Variants in PPP3CA observed in about 807,000 individuals in gnomAD.
PPP3CA encodes CAM-PRP catalytic subunit.
A neutral mutation model predicts 66.5 loss-of-function variants in PPP3CA; 14 were observed. The ratio of observed to expected loss-of-function variants is 0.21; its 90% CI spans 0.14 to 0.33. The LOEUF is 0.33. Among genes scored for constraint, PPP3CA ranks in the 10% least tolerant of loss-of-function variants. The probability of loss-of-function intolerance (pLI) is 1.00; values close to 1 mark genes in which losing one functional copy is unlikely to be tolerated. For synonymous variants in PPP3CA, 232 were observed against 226.2 expected, an observed-to-expected ratio of 1.03 and a Z score of -0.23; for missense variants, 317 against 639.5, an observed-to-expected ratio of 0.50 and a Z score of 5.44.
chr4:101,199,480 G>C (rs1578547454), intron 1 of PPP3CA, among the ~76,000 whole-genome samples: 2 of 152,120 alleles, frequency 1.3e-5, no homozygotes, highest in East Asian at 3.9e-4. Flanking sequence ...TTTTGTAACT[G>C]CCTGTAAGCA....
intron 1 of PPP3CA, among the ~76,000 whole-genome samples, chr4:101,253,387 T>G (rs542251362): frequency 9.9e-5 from 15 of 152,258 alleles, no homozygotes; most frequent in Admixed American, 1.3e-4. Context: ...TAATCAAAGA[T>G]TAAAGAAAGA....
At chr4:101,130,110 G>A (rs1041430729) in intron 2 of PPP3CA, among the ~76,000 whole-genome samples, 3 of 151,908 alleles carry the variant, frequency 2.0e-5, no homozygotes, top group African/African-American at 7.3e-5. Flanking sequence ...GCACATAGAA[G>A]AAGCAACAGC....
intron 1 of PPP3CA, among the ~76,000 whole-genome samples, chr4:101,335,661 T>A (rs944860441): frequency 1.3e-5 from 2 of 152,164 alleles, no homozygotes; most frequent in African/African-American, 4.8e-5. Flanking sequence ...AAGAGCATCA[T>A]GACTGGCAAT....
At chr4:101,182,369 G>A (rs1417572052) in intron 2 of PPP3CA, among the ~76,000 whole-genome samples, 1 of 152,114 alleles carries the variant, frequency 6.6e-6, no homozygotes, top group Non-Finnish European at 1.5e-5. Context: ...ACTAGGGGAA[G>A]AGAAAGACCT....
chr4:101,336,933 G>A (rs1729651536), intron 1 of PPP3CA, among the ~76,000 whole-genome samples: 1 of 152,132 alleles, frequency 6.6e-6, no homozygotes, highest in Non-Finnish European at 1.5e-5. Flanking sequence ...CCTAAATTCA[G>A]GCATGAGCAA....
At chr4:101,288,179 T>C (rs1308987496) in intron 1 of PPP3CA, among the ~76,000 whole-genome samples, 4 of 152,166 alleles carry the variant, frequency 2.6e-5, no homozygotes, top group African/African-American at 9.7e-5. Flanking sequence ...GAAGGCACAA[T>C]AGTATTAACC....
chr4:101,180,115 A>G (rs1277589472), intron 2 of PPP3CA, among the ~76,000 whole-genome samples: 1 of 152,144 alleles, frequency 6.6e-6, no homozygotes, highest in Non-Finnish European at 1.5e-5. Context: ...AGCAGAGATG[A>G]GCAGAGGTGG....
chr4:101,257,720 C>A (rs1002587083), intron 1 of PPP3CA, among the ~76,000 whole-genome samples: 1 of 152,000 alleles, frequency 6.6e-6, no homozygotes, highest in African/African-American at 2.4e-5. Context: ...TGAAAGGTGT[C>A]AAGCTTACCA....
chr4:101,149,518 C>T (rs1723072082), intron 2 of PPP3CA, among the ~76,000 whole-genome samples: 1 of 152,082 alleles, frequency 6.6e-6, no homozygotes, highest in Non-Finnish European at 1.5e-5. Context: ...AGTTTGATAT[C>T]AGAACCAAAA....
intron 10 of PPP3CA, among the ~76,000 whole-genome samples, chr4:101,049,566 C>T (rs182981092): frequency 8.1e-4 from 123 of 152,046 alleles, no homozygotes; most frequent in African/African-American, 2.9e-3. Context: ...AAAGATTGCT[C>T]TTGACATGGA....
chr4:101,028,864 T>C (rs1306656537), intron 13 of PPP3CA, among the ~76,000 whole-genome samples: 1 of 152,166 alleles, frequency 6.6e-6, no homozygotes, highest in Non-Finnish European at 1.5e-5. Context: ...TATAAGCTAC[T>C]GGTCAAAACA....
At chr4:101,315,466 TC>T (rs1414425183) in intron 1 of PPP3CA, among the ~76,000 whole-genome samples, 2 of 152,168 alleles carry the variant, frequency 1.3e-5, no homozygotes, top group African/African-American at 4.8e-5. Flanking sequence ...TCATGCTCTT[TC>T]CCCCATGCAT....
intron 11 of PPP3CA, among the ~76,000 whole-genome samples, chr4:101,035,733 A>C (rs1324103900): frequency 6.6e-6 from 1 of 151,980 alleles, no homozygotes; most frequent in Non-Finnish European, 1.5e-5. Flanking sequence ...TTCCTGCCTC[A>C]CACGGAAGCC....
chr4:101,196,561 G>A (rs1724798711), intron 1 of PPP3CA, among the ~76,000 whole-genome samples: 1 of 152,124 alleles, frequency 6.6e-6, no homozygotes, highest in African/African-American at 2.4e-5. Context: ...CAGATTTGCT[G>A]CTCTAACTAA....
chr4:101,338,456 T>C (rs1560725913), intron 1 of PPP3CA, among the ~76,000 whole-genome samples: 1 of 152,220 alleles, frequency 6.6e-6, no homozygotes, highest in Non-Finnish European at 1.5e-5. Context: ...CCTTTGTTAT[T>C]TCATTCCTGT....
intron 3 of PPP3CA, among the ~76,000 whole-genome samples, chr4:101,106,590 T>C (rs1193776186): frequency 5.9e-5 from 9 of 152,104 alleles, no homozygotes. Context: ...TGCTGTTTAT[T>C]GCCTACCACA....
chr4:101,157,887 A>C (rs988248658), intron 2 of PPP3CA, among the ~76,000 whole-genome samples: 5 of 151,500 alleles, frequency 3.3e-5, no homozygotes, highest in African/African-American at 1.2e-4. Context: ...AAAAAAAAAA[A>C]AACCTCTCAG....
rs1049998399 is a variant in PPP3CA, at chr4:101,025,360, G to A, written c.*505C>T. 1 of 147,824 alleles carries A rather than the reference G, an allele frequency of 6.8e-6. No homozygotes were observed. The highest frequency in any genetic ancestry group is 2.1e-4 in the South Asian group (1 of 4,682). The allele number at this position is 147,824 out of a possible 1,614,324, so 9.2% of individuals were successfully genotyped here. ...AGTTTATAGCCATTGTCTGACAAGA[G>A]TAGCAAAACATTATCAATAAATAGT... On this transcript the variant is annotated 3_prime_UTR_variant, in exon 14 of 14. Coordinates refer to ENST00000394854, the MANE Select transcript of PPP3CA (RefSeq NM_000944.5).
intron 11 of PPP3CA, among the ~76,000 whole-genome samples, chr4:101,033,825 T>C (rs1727121258): frequency 6.6e-6 from 1 of 152,254 alleles, no homozygotes; most frequent in Non-Finnish European, 1.5e-5. Context: ...AGTCACTTTC[T>C]GTAGATTTGT....
Sources: gnomAD v4.1 joint callset for allele counts (sites outside exome capture counted in the v4.1 genomes callset) on GRCh38, gnomAD v4.1.1 for gene constraint, MANE v1.5 for transcripts, NCBI Gene and HGNC (gene_info 2026-07-23, HGNC 2026-07-21) for gene names.